Variants in DLC1 observed in about 807,000 individuals in gnomAD.
DLC1 encodes DLC1 Rho GTPase activating protein, also known as rho GTPase-activating protein 7.
DLC1 carries 54 observed loss-of-function variants against 140.3 expected under a neutral mutation model. The ratio of observed to expected loss-of-function variants is 0.38; its 90% confidence interval spans 0.31 to 0.48. The LOEUF is 0.48. Ranked by LOEUF, DLC1 falls within the 20% of genes least tolerant of loss-of-function variation. The probability of loss-of-function intolerance (pLI) is 0.96; values close to 1 mark genes in which losing one functional copy is unlikely to be tolerated. For synonymous variants in DLC1, 986 were observed against 728.1 expected, an observed-to-expected ratio of 1.35 and a Z score of -5.70; for missense variants, 2,536 against 1,907.0, an observed-to-expected ratio of 1.33 and a Z score of -6.14.
chr8:13,295,334 A>G (rs966101280), intron 5 of DLC1, among the ~76,000 whole-genome samples: 1 of 152,264 alleles, frequency 6.6e-6, no homozygotes, highest in Non-Finnish European at 1.5e-5. Flanking sequence ...AGCACTCTTT[A>G]GTGAGTATTT....
In DLC1 at chr8:13,318,174, A is replaced by G. The variant is rs180914402; in HGVS notation, c.1315-12872T>C. ...TCCTGAGTAGCTAGGACTAGCATGCACCACTACACTCAGCTAATTAAAATT... is the reference window on the plus strand; with the variant it reads ...TCCTGAGTAGCTAGGACTAGCATGCGCCACTACACTCAGCTAATTAAAATT... On this transcript the variant is annotated intron_variant, in intron 4 of 17. Transcript: ENST00000276297. Among the ~76,000 whole-genome samples the G allele has an allele frequency of 1.0e-3, 155 of 150,148 alleles. 4 individuals are homozygous for G. The East Asian group carries it at 0.026, about 25-fold the overall frequency.
At chr8:13,349,163 G>C (rs1426913233) in intron 4 of DLC1, among the ~76,000 whole-genome samples, 2 of 152,128 alleles carry the variant, frequency 1.3e-5, no homozygotes, top group Non-Finnish European at 1.5e-5. Context: ...GCTGAGGGCA[G>C]GATGAGGTGC....
At chr8:13,516,475 T>A (rs1802591470), upstream of DLC1, among the ~76,000 whole-genome samples, 1 of 152,212 alleles carries the variant, frequency 6.6e-6, no homozygotes, top group African/African-American at 2.4e-5. Context: ...TTCTAACTAC[T>A]ATTTTTTTCC....
intron 4 of DLC1, among the ~76,000 whole-genome samples, chr8:13,378,889 G>A (rs776279033): frequency 6.6e-5 from 10 of 151,930 alleles, no homozygotes; most frequent in Non-Finnish European, 1.2e-4. Context: ...CCAATTAATG[G>A]GTTATGTTGT....
chr8:13,116,732 T>C (rs753494688), intron 5 of DLC1, among the ~76,000 whole-genome samples: 2 of 151,994 alleles, frequency 1.3e-5, no homozygotes, highest in Non-Finnish European at 2.9e-5. Flanking sequence ...ATTAAGCAAA[T>C]CCAAATTCAT....
intron 1 of DLC1, among the ~76,000 whole-genome samples, chr8:13,520,619 A>G (rs1050626214): frequency 6.6e-6 from 1 of 152,160 alleles, no homozygotes; most frequent in African/African-American, 2.4e-5. Flanking sequence ...CTTAAAGTAT[A>G]ATTAAAAAAA....
chr8:13,382,486 C>G (rs551113094), intron 4 of DLC1, among the ~76,000 whole-genome samples: 91 of 104,918 alleles, frequency 8.7e-4, no homozygotes, highest in African/African-American at 3.0e-3. Context: ...CCAGCCTGGG[C>G]GACAGCGAGA....
intron 1 of DLC1, among the ~76,000 whole-genome samples, chr8:13,595,770 C>G (rs537194955): frequency 2.0e-5 from 3 of 151,972 alleles, no homozygotes; most frequent in African/African-American, 7.2e-5. Context: ...TATTGCATTG[C>G]ATTATCTTAA....
intron 4 of DLC1, among the ~76,000 whole-genome samples, chr8:13,364,879 A>G (rs1340356222): frequency 2.0e-5 from 3 of 152,202 alleles, no homozygotes; most frequent in Non-Finnish European, 4.4e-5. Context: ...TAAATTGCCA[A>G]CTAAGAAACT....
chr8:13,580,068 C>T (rs924492558), intron 1 of DLC1, among the ~76,000 whole-genome samples: 1 of 151,976 alleles, frequency 6.6e-6, no homozygotes, highest in African/African-American at 2.4e-5. Flanking sequence ...AAGGAGGGCC[C>T]CAATCCCATA....
chr8:13,149,896 T>C (rs1823686044), intron 5 of DLC1, among the ~76,000 whole-genome samples: 1 of 152,252 alleles, frequency 6.6e-6, no homozygotes, highest in Admixed American at 6.5e-5. Flanking sequence ...AATGAATTAC[T>C]CTCAAAATCC....
chr8:13,449,657 C>T (rs1368313689), intron 2 of DLC1, among the ~76,000 whole-genome samples: 1 of 141,888 alleles, frequency 7.0e-6, no homozygotes, highest in Non-Finnish European at 1.5e-5. Flanking sequence ...ATATCACACA[C>T]TGGGGCCTGT....
At chr8:13,551,480 T>C (rs1392353649) in intron 1 of DLC1, among the ~76,000 whole-genome samples, 3 of 152,036 alleles carry the variant, frequency 2.0e-5, no homozygotes, top group African/African-American at 7.2e-5. Flanking sequence ...TACTCTCTCT[T>C]TCCCTCCAAC....
intron 12 of DLC1, 144 bp from the exon 13 acceptor site, chr8:13,092,969 G>A (rs1004624787): frequency 1.1e-5 from 10 of 905,628 alleles, no homozygotes; most frequent in South Asian, 3.6e-5. Context: ...AGGTTAATAC[G>A]GTAAAAGTTA....
intron 2 of DLC1, among the ~76,000 whole-genome samples, chr8:13,466,773 A>T (rs1172685856): frequency 1.3e-5 from 2 of 152,344 alleles, no homozygotes; most frequent in East Asian, 1.9e-4. Context: ...TATGTACATT[A>T]GATTTTTTCA....
At chr8:13,560,129 A>G (rs2117378947) in intron 1 of DLC1, among the ~76,000 whole-genome samples, 1 of 152,342 alleles carries the variant, frequency 6.6e-6, no homozygotes, top group Non-Finnish European at 1.5e-5. Flanking sequence ...TCTTAAATAT[A>G]CTGGGCATAT....
intron 5 of DLC1, among the ~76,000 whole-genome samples, chr8:13,237,826 G>A (rs188896718): frequency 1.1e-4 from 17 of 151,954 alleles, no homozygotes; most frequent in Admixed American, 1.1e-3. Flanking sequence ...AGAATATGAA[G>A]CCTCATATCT....
In DLC1 at chr8:13,092,616, G is replaced by C. The variant is rs1277570021; in HGVS notation, c.3736C>G (p.Pro1246Ala). ...CACCTCCCATGCAGCCCGTACCTGG[G>C]AGAGGAATTCTCTCTCTTCAGGGTG... The part of the protein sequence containing the change: ...LNTLKRENSS[P>A]RVMQRKQSLG... Residue 1246 changes from proline to alanine, a missense_variant, in exon 13 of 18, where the codon CCC becomes GCC. Pro to Ala is a conservative substitution (Grantham distance 27). Transcript: ENST00000276297. 2 of 1,614,120 alleles carry C rather than the reference G, an allele frequency of 1.2e-6. No homozygotes were observed. Among genetic ancestry groups the C allele is most frequent in the South Asian group, 1.1e-5 (1 of 91,046 alleles).
intron 5 of DLC1, among the ~76,000 whole-genome samples, chr8:13,124,683 C>T (rs1821404862): frequency 6.6e-6 from 1 of 152,194 alleles, no homozygotes; most frequent in Non-Finnish European, 1.5e-5. Flanking sequence ...ATTTCTCTGG[C>T]CCTGTTGCTT....
Sources: gnomAD v4.1 joint callset for allele counts (sites outside exome capture counted in the v4.1 genomes callset) on GRCh38, gnomAD v4.1.1 for gene constraint, MANE v1.5 for transcripts, NCBI Gene and HGNC (gene_info 2026-07-23, HGNC 2026-07-21) for gene names.